Variants in DCC observed in about 807,000 individuals in gnomAD.
DCC encodes netrin receptor DCC.
Under a neutral mutation model 172.5 loss-of-function variants are expected in DCC, and 58 were observed. That is an observed-to-expected ratio of 0.34 (90% CI 0.27 to 0.42). The LOEUF is 0.42. DCC is among the 10% of genes least tolerant of loss of function. DCC has a pLI of 1.00. For missense variants in DCC, 1,740 were observed against 1,791.0 expected, an observed-to-expected ratio of 0.97 and a Z score of 0.51; for synonymous variants, 709 against 644.5, an observed-to-expected ratio of 1.10 and a Z score of -1.52.
chr18:53,162,257 C>A (rs9964447), intron 8 of DCC, among the ~76,000 whole-genome samples: 59,220 of 148,226 alleles, frequency 0.4, 12,704 homozygotes, highest in East Asian at 0.7. Flanking sequence ...CGAGATCGTG[C>A]TACTGCACCC....
At chr18:52,916,887 G>T (rs780644507) in intron 3 of DCC, among the ~76,000 whole-genome samples, 83 of 151,998 alleles carry the variant, frequency 5.5e-4, no homozygotes, top group Non-Finnish European at 9.9e-4. Flanking sequence ...TAATTTTTAA[G>T]ATTTATAAAA....
At chr18:52,783,927 T>C (rs1400167579) in intron 2 of DCC, among the ~76,000 whole-genome samples, 1 of 152,080 alleles carries the variant, frequency 6.6e-6, no homozygotes, top group African/African-American at 2.4e-5. Flanking sequence ...CTCAAATGTT[T>C]ACCATTTCTT....
intron 1 of DCC, among the ~76,000 whole-genome samples, chr18:52,459,640 T>G (rs1372549208): frequency 6.6e-6 from 1 of 152,004 alleles, no homozygotes. Flanking sequence ...GCTAATTTTT[T>G]TGTATTTTTT....
chr18:52,368,467 T>A (rs1984974619), intron 1 of DCC, among the ~76,000 whole-genome samples: 1 of 152,190 alleles, frequency 6.6e-6, no homozygotes, highest in South Asian at 2.1e-4. Flanking sequence ...ATAGCAGGTT[T>A]CAGTCCATAT....
At chr18:53,255,440 C>T (rs1165227439) in intron 12 of DCC, among the ~76,000 whole-genome samples, 1 of 145,664 alleles carries the variant, frequency 6.9e-6, no homozygotes, top group African/African-American at 2.5e-5. Context: ...TGTTCACTTC[C>T]CACCTATCAG....
At chr18:52,492,502 A>C (rs2030554751) in intron 1 of DCC, among the ~76,000 whole-genome samples, 1 of 152,042 alleles carries the variant, frequency 6.6e-6, no homozygotes, top group African/African-American at 2.4e-5. Flanking sequence ...AGGAGAAAGA[A>C]GAAGGATGTT....
At chr18:53,349,701 C>T (rs992664571) in intron 15 of DCC, among the ~76,000 whole-genome samples, 4 of 152,190 alleles carry the variant, frequency 2.6e-5, no homozygotes, top group Non-Finnish European at 5.9e-5. Context: ...CAAAAGAGAG[C>T]TTGTGCATAG....
At chr18:53,114,185 C>A (rs935234997) in intron 7 of DCC, among the ~76,000 whole-genome samples, 2 of 151,324 alleles carry the variant, frequency 1.3e-5, no homozygotes, top group African/African-American at 2.4e-5. Context: ...TTTATAATAC[C>A]AGTTAGCATT....
At chr18:53,081,573 C>G (rs1289804650) in intron 7 of DCC, among the ~76,000 whole-genome samples, 1 of 151,862 alleles carries the variant, frequency 6.6e-6, no homozygotes, top group Non-Finnish European at 1.5e-5. Flanking sequence ...TTCTCCTTTT[C>G]CCTTGTTTAA....
At chr18:53,189,675 A>G (rs965576607) in intron 9 of DCC, among the ~76,000 whole-genome samples, 4 of 152,168 alleles carry the variant, frequency 2.6e-5, no homozygotes, top group African/African-American at 7.2e-5. Flanking sequence ...TCATCTCTTC[A>G]GAATTCTAAC....
intron 2 of DCC, among the ~76,000 whole-genome samples, chr18:52,870,549 A>T (rs2039303279): frequency 6.6e-6 from 1 of 152,156 alleles, no homozygotes; most frequent in South Asian, 2.1e-4. Flanking sequence ...AGGCCGTAGG[A>T]TTCACAACTT....
chr18:52,790,385 A>T (rs1943139), intron 2 of DCC, among the ~76,000 whole-genome samples: 5,675 of 152,230 alleles, frequency 0.037, 156 homozygotes, highest in Non-Finnish European at 0.051. Context: ...CTTTACAGAT[A>T]ATATAAACAA....
At chr18:53,216,582 G>A (rs898418637) in intron 12 of DCC, among the ~76,000 whole-genome samples, 2 of 152,100 alleles carry the variant, frequency 1.3e-5, no homozygotes, top group African/African-American at 4.8e-5. Context: ...TGTATGCGAT[G>A]AATCTGACTT....
At chr18:53,075,124 CAT>C (rs1362429234) in intron 7 of DCC, among the ~76,000 whole-genome samples, 1 of 152,162 alleles carries the variant, frequency 6.6e-6, no homozygotes, top group Non-Finnish European at 1.5e-5. Flanking sequence ...TTAGTAAACA[CAT>C]ATTTTAATGA....
intron 1 of DCC, among the ~76,000 whole-genome samples, chr18:52,652,735 T>TGTGTGG (rs1198305963): frequency 2.6e-5 from 4 of 151,920 alleles, no homozygotes; most frequent in Non-Finnish European, 5.9e-5. Context: ...TGTGTGTGTG[T>TGTGTGG]GTGTGGGTGG....
intron 1 of DCC, among the ~76,000 whole-genome samples, chr18:52,740,702 T>C (rs762359300): frequency 8.2e-4 from 125 of 152,324 alleles, no homozygotes; most frequent in Non-Finnish European, 1.3e-3. Context: ...AAGTGACCTC[T>C]GCAGTCTTTT....
intron 5 of DCC, among the ~76,000 whole-genome samples, chr18:53,001,036 G>A (rs1826113780): frequency 6.6e-6 from 1 of 151,850 alleles, no homozygotes; most frequent in Non-Finnish European, 1.5e-5. Flanking sequence ...AAGTTGGTCG[G>A]TAGCTTGAAA....
At chr18:53,164,404 C>T (rs4372757) in intron 8 of DCC, among the ~76,000 whole-genome samples, 58,166 of 151,964 alleles carry the variant, frequency 0.38, 12,385 homozygotes, top group East Asian at 0.71. Context: ...TGCCGCCATG[C>T]CTGGCTAAGT....
intron 5 of DCC, among the ~76,000 whole-genome samples, chr18:52,946,177 TAGC>T (rs1415695070): frequency 1.3e-5 from 2 of 152,196 alleles, no homozygotes; most frequent in African/African-American, 2.4e-5. Context: ...CAGATTTACA[TAGC>T]AGCATCTGTA....
Sources: allele counts gnomAD v4.1 joint callset (sites outside exome capture counted in the v4.1 genomes callset), GRCh38; gene constraint gnomAD v4.1.1; transcripts MANE v1.5; gene names NCBI Gene and HGNC (gene_info 2026-07-23, HGNC 2026-07-21).